CHRM3: variants seen among roughly 807,000 people sequenced by gnomAD.
CHRM3 encodes muscarinic acetylcholine receptor M3.
CHRM3 carries 11 observed loss-of-function variants against 41.8 expected under a neutral mutation model. The observed-to-expected ratio is 0.26, with a 90% CI of 0.17 to 0.44. The LOEUF (loss-of-function observed/expected upper bound fraction) is 0.44, where lower values mean the gene tolerates loss of function less well. Among genes scored for constraint, CHRM3 ranks in the 20% least tolerant of loss-of-function variants. CHRM3 has a pLI of 1.00. For missense variants in CHRM3, 571 were observed against 745.4 expected (o/e 0.77, Z 2.72); for synonymous variants, 297 against 301.4 (o/e 0.99, Z 0.15).
intron 5 of CHRM3, among the ~76,000 whole-genome samples, chr1:239,735,991 T>C (rs1664360023): frequency 1.3e-5 from 2 of 152,048 alleles, no homozygotes; most frequent in Non-Finnish European, 2.9e-5. Context: ...CCAACTTCAA[T>C]GCCTATCCCC....
intron 5 of CHRM3, among the ~76,000 whole-genome samples, chr1:239,733,749 A>G (rs943766341): frequency 1.3e-5 from 2 of 152,104 alleles, no homozygotes; most frequent in African/African-American, 4.8e-5. Context: ...GTATGGCTTC[A>G]CTACATTTTT....
chr1:239,582,901 T>G (rs1663032588), intron 3 of CHRM3, among the ~76,000 whole-genome samples: 1 of 152,200 alleles, frequency 6.6e-6, no homozygotes, highest in Non-Finnish European at 1.5e-5. Context: ...TGAGACACTC[T>G]CTGATCTGGT....
At chr1:239,703,255 C>T (rs1294592824) in intron 5 of CHRM3, 2 of 152,150 alleles carry the variant, frequency 1.3e-5, no homozygotes, top group Admixed American at 1.3e-4. Context: ...CACTAAAATC[C>T]TCTGAGCTGA....
At chr1:239,634,008 T>C (rs925271517) in intron 4 of CHRM3, among the ~76,000 whole-genome samples, 1 of 152,188 alleles carries the variant, frequency 6.6e-6, no homozygotes, top group African/African-American at 2.4e-5. Flanking sequence ...TTTATTTCCA[T>C]TTTATGTATG....
chr1:239,424,736 A>G (rs1237208894), intron 1 of CHRM3, among the ~76,000 whole-genome samples: 1 of 152,166 alleles, frequency 6.6e-6, no homozygotes, highest in African/African-American at 2.4e-5. Flanking sequence ...ACTCCACTCA[A>G]TGGCCTAAAA....
chr1:239,848,470 T>C (rs142629818), intron 6 of CHRM3, among the ~76,000 whole-genome samples: 88 of 152,278 alleles, frequency 5.8e-4, no homozygotes, highest in African/African-American at 2.1e-3. Context: ...AGAAAACTGT[T>C]ACAATTCACC....
intron 1 of CHRM3, among the ~76,000 whole-genome samples, chr1:239,432,218 G>A (rs1273796106): frequency 6.6e-6 from 1 of 151,894 alleles, no homozygotes; most frequent in Admixed American, 6.6e-5. Context: ...TCATGTGGAA[G>A]TGGTCTATTT....
Position 239,908,959 on chromosome 1 carries a change from C to G in CHRM3, c.1508C>G (p.Thr503Ser). 6.2e-7 allele frequency: 1 copy of G among 1,614,144 alleles called. No homozygotes were observed. Among genetic ancestry groups the G allele is most frequent in the Non-Finnish European group, 8.5e-7 (1 of 1,180,042 alleles). The stretch of plus-strand genomic sequence containing the variant: ...GCGATCTTGCTTGCCTTCATCATCA[C>G]TTGGACCCCATACAACATCATGGTT... ...LSAILLAFIITWTPYNIMVLV... is the reference protein window; with the variant it reads ...LSAILLAFIISWTPYNIMVLV... The change falls in exon 7 of 7, where the codon ACT becomes AGT. Residue 503 changes from threonine (T) to serine (S), a missense_variant. Physicochemically the swap from Thr to Ser is moderately conservative, Grantham distance 58. Coordinates refer to ENST00000676153, the MANE Select transcript of CHRM3 (RefSeq NM_001375978.1). This position sits in a 1 kb window ranked among gnomAD's most constrained non-coding sequence, Gnocchi z 7.2.
At chr1:239,552,656 ATT>A (rs1422366616) in intron 3 of CHRM3, among the ~76,000 whole-genome samples, 6 of 146,408 alleles carry the variant, frequency 4.1e-5, no homozygotes, top group Non-Finnish European at 7.5e-5. Flanking sequence ...TATTATTATT[ATT>A]ATTAATTATT....
intron 1 of CHRM3, among the ~76,000 whole-genome samples, chr1:239,476,626 G>T (rs1209408360): frequency 6.6e-6 from 1 of 152,180 alleles, no homozygotes; most frequent in African/African-American, 2.4e-5. Flanking sequence ...TGAAGATTTA[G>T]ATATAGATGT....
At chr1:239,607,468 G>C (rs950826798) in intron 3 of CHRM3, among the ~76,000 whole-genome samples, 26 of 151,920 alleles carry the variant, frequency 1.7e-4, no homozygotes, top group African/African-American at 6.3e-4. Flanking sequence ...TTGTTTTTAT[G>C]TCCCTAGGGA....
intron 5 of CHRM3, among the ~76,000 whole-genome samples, chr1:239,715,864 T>G (rs1021475129): frequency 1.3e-5 from 2 of 152,094 alleles, no homozygotes; most frequent in African/African-American, 4.8e-5. Context: ...TTGTACATAC[T>G]GTTGGATTGG....
chr1:239,862,818 T>C (rs1417383021), intron 6 of CHRM3, among the ~76,000 whole-genome samples: 1 of 152,224 alleles, frequency 6.6e-6, no homozygotes, highest in Non-Finnish European at 1.5e-5. Flanking sequence ...CCATTTGATC[T>C]ATACTGGTCA....
chr1:239,457,925 G>T (rs1230395398), intron 1 of CHRM3, among the ~76,000 whole-genome samples: 1 of 152,150 alleles, frequency 6.6e-6, no homozygotes, highest in Non-Finnish European at 1.5e-5. Context: ...TTCATCACTT[G>T]TTTCTGTCCA....
chr1:239,434,278 C>T (rs6696667), intron 1 of CHRM3, among the ~76,000 whole-genome samples: 1,615 of 152,288 alleles, frequency 0.011, 16 homozygotes, highest in African/African-American at 0.032. Context: ...CTGCAGGCAA[C>T]GTGTTGTGAT....
intron 2 of CHRM3, among the ~76,000 whole-genome samples, chr1:239,536,303 C>G (rs918480386): frequency 3.3e-5 from 5 of 152,158 alleles, no homozygotes; most frequent in African/African-American, 1.2e-4. Flanking sequence ...GAAATCCTAG[C>G]TGGAAGACAC....
chr1:239,458,413 G>A (rs1370816827), intron 1 of CHRM3, among the ~76,000 whole-genome samples: 3 of 152,110 alleles, frequency 2.0e-5, no homozygotes, highest in East Asian at 3.9e-4. Flanking sequence ...TGTGTGATCA[G>A]GGCTGTATTG....
chr1:239,793,094 C>T (rs1669479692), intron 5 of CHRM3, among the ~76,000 whole-genome samples: 1 of 152,196 alleles, frequency 6.6e-6, no homozygotes, highest in South Asian at 2.1e-4. Flanking sequence ...TTGGACTTTT[C>T]CCAGTGTTAG....
chr1:239,763,657 A>G (rs1430880414), intron 5 of CHRM3, among the ~76,000 whole-genome samples: 1 of 152,168 alleles, frequency 6.6e-6, no homozygotes, highest in Non-Finnish European at 1.5e-5. Flanking sequence ...CCACCCCCGA[A>G]AAAGTGCTGC....
Sources: gnomAD v4.1 joint callset for allele counts (sites outside exome capture counted in the v4.1 genomes callset) on GRCh38, gnomAD v4.1.1 for gene constraint, Gnocchi (gnomAD v3.1) non-coding constraint, MANE v1.5 for transcripts, NCBI Gene and HGNC (gene_info 2026-07-23, HGNC 2026-07-21) for gene names.